Variants in TRPC4AP observed in about 807,000 individuals in gnomAD.
TRPC4AP encodes short transient receptor potential channel 4-associated protein.
In TRPC4AP, 45 loss-of-function variants were observed where a neutral mutation model predicts 99.0. The ratio of observed to expected loss-of-function variants is 0.45; its 90% confidence interval spans 0.36 to 0.58. The LOEUF is 0.58. Ranked by LOEUF, TRPC4AP falls within the 20% of genes least tolerant of loss-of-function variation. The pLI, the probability that TRPC4AP is intolerant of heterozygous loss-of-function variation, is 0.00. For synonymous variants in TRPC4AP, 408 were observed against 385.8 expected (o/e 1.06, Z -0.67); for missense variants, 879 against 985.3 (o/e 0.89, Z 1.44).
intron 9 of TRPC4AP, among the ~76,000 whole-genome samples, chr20:35,018,518 C>G (rs1275089628): frequency 7.0e-6 from 1 of 143,138 alleles, no homozygotes; most frequent in Admixed American, 7.3e-5. Context: ...ATCGCTTGAG[C>G]TGGGGAGGCA....
chr20:35,024,716 C>T (rs1031237663), intron 8 of TRPC4AP, among the ~76,000 whole-genome samples: 1 of 150,500 alleles, frequency 6.6e-6, no homozygotes, highest in African/African-American at 2.5e-5. Context: ...CTGTTTCCAG[C>T]TACTCGGGAG....
At position 35,092,740 on chromosome 20, in the gene TRPC4AP, T is replaced by C; in HGVS notation, c.42A>G (p.Arg14=). ...CCACTGTGGCTGCCGACCGTCTCCCTCGGCCGGCTCCAGACCCAGCCGCTA... is the reference window on the plus strand; with the variant it reads ...CCACTGTGGCTGCCGACCGTCTCCCCCGGCCGGCTCCAGACCCAGCCGCTA... The part of the protein sequence containing the change: ...APVAAGSGAG[R]GRRSAATVAA... The change falls in exon 1 of 19, where the codon CGA becomes CGG. Residue 14 remains arginine, a synonymous_variant. Transcript: ENST00000252015. 6.4e-7 allele frequency: 1 copy of C among 1,562,120 alleles called. No individual in the cohort carries two copies. Among genetic ancestry groups the C allele is most frequent in the Non-Finnish European group, 8.6e-7 (1 of 1,165,442 alleles).
intron 1 of TRPC4AP, among the ~76,000 whole-genome samples, chr20:35,088,712 G>A (rs2084955924): frequency 6.6e-6 from 1 of 152,148 alleles, no homozygotes; most frequent in Non-Finnish European, 1.5e-5. Flanking sequence ...TGGTCACCCT[G>A]CTAGGATTCA....
intron 9 of TRPC4AP, among the ~76,000 whole-genome samples, 199 bp downstream of exon 9, chr20:35,020,991 C>T (rs913485652): frequency 6.6e-6 from 1 of 152,226 alleles, no homozygotes; most frequent in African/African-American, 2.4e-5. Flanking sequence ...CTCCATACAG[C>T]AAGGCACAGT....
intron 8 of TRPC4AP, among the ~76,000 whole-genome samples, chr20:35,034,886 T>C (rs2083283868): frequency 6.6e-6 from 1 of 152,196 alleles, no homozygotes; most frequent in Non-Finnish European, 1.5e-5. Context: ...GAGACACAGC[T>C]GTCTCAGGTC....
chr20:35,016,959 C>T (rs2082769588), intron 9 of TRPC4AP, among the ~76,000 whole-genome samples: 1 of 152,160 alleles, frequency 6.6e-6, no homozygotes, highest in African/African-American at 2.4e-5. Context: ...GGAGGGCACA[C>T]TGGTATGACC....
chr20:35,010,820 G>C (rs1241189102), intron 11 of TRPC4AP, among the ~76,000 whole-genome samples: 1 of 152,158 alleles, frequency 6.6e-6, no homozygotes, highest in Non-Finnish European at 1.5e-5. Flanking sequence ...GGTGCCAAAA[G>C]TGATCTTCAG....
chr20:35,083,155 T>C (rs1027873172), intron 1 of TRPC4AP, among the ~76,000 whole-genome samples: 6 of 152,158 alleles, frequency 3.9e-5, no homozygotes, highest in Non-Finnish European at 7.3e-5. Context: ...ATTACAGCAA[T>C]ATACATGAAT....
chr20:35,072,650 T>C (rs2084349569), intron 2 of TRPC4AP, among the ~76,000 whole-genome samples: 1 of 152,198 alleles, frequency 6.6e-6, no homozygotes, highest in Non-Finnish European at 1.5e-5. Context: ...TATCTCTGTT[T>C]TGGTAATAGT....
chr20:35,084,853 T>C (rs1262143219), intron 1 of TRPC4AP, among the ~76,000 whole-genome samples: 1 of 151,848 alleles, frequency 6.6e-6, no homozygotes, highest in Admixed American at 6.6e-5. Flanking sequence ...AAAAATTATA[T>C]AAAACAAATA....
intron 2 of TRPC4AP, among the ~76,000 whole-genome samples, chr20:35,074,058 C>T (rs1030497368): frequency 7.9e-5 from 12 of 152,268 alleles, no homozygotes; most frequent in African/African-American, 1.4e-4. Flanking sequence ...AGTTTATTTC[C>T]GTAGAGGTGT....
chr20:35,007,664 G>GT, intron 13 of TRPC4AP, 24 bp from the exon 14 acceptor site: 1 of 1,613,830 alleles, frequency 6.2e-7, no homozygotes, highest in South Asian at 1.1e-5. Context: ...ACTGGCTCAG[G>GT]TGGCTAAGGC....
At position 35,059,617 on chromosome 20, in the gene TRPC4AP, C is replaced by T. The variant is rs2083926425; in HGVS notation, c.415-2046G>A. ...AGGCTGCAGTGAGCTATGATCATGC[C>T]AATACACTCCAGCCTGGATGGCAGG... On this transcript the variant is annotated intron_variant, in intron 3 of 18. Transcript: ENST00000252015. Among the ~76,000 whole-genome samples, 5 of 151,390 alleles carry T rather than the reference C, an allele frequency of 3.3e-5. No individual in the cohort carries two copies. In the South Asian group the frequency reaches 1.0e-3, roughly 31 times the overall value.
intron 5 of TRPC4AP, among the ~76,000 whole-genome samples, chr20:35,053,725 CATT>C (rs1281463159): frequency 1.3e-5 from 2 of 152,108 alleles, no homozygotes; most frequent in African/African-American, 2.4e-5. Flanking sequence ...GTAAATATCT[CATT>C]AATAATTAAT....
In TRPC4AP at chr20:35,088,998, T is replaced by C. The variant is rs774515739; in HGVS notation, c.168+3616A>G. Among the ~76,000 whole-genome samples, 7 of 151,748 alleles carry C rather than the reference T, an allele frequency of 4.6e-5. No homozygotes were observed. The East Asian group carries it at 1.4e-3, about 29-fold the overall frequency. ...GATGAAAAAGTTCTGGAAATCTGTTTCACAACAATGGGAATATACTTCACA... is the reference window on the plus strand; with the variant it reads ...GATGAAAAAGTTCTGGAAATCTGTTCCACAACAATGGGAATATACTTCACA... On this transcript the variant is annotated intron_variant, in intron 1 of 18. Transcript: ENST00000252015.
At chr20:35,049,819 G>C (rs2083652583) in intron 6 of TRPC4AP, 47 bp downstream of exon 6, 1 of 1,571,374 alleles carries the variant, frequency 6.4e-7, no homozygotes, top group Admixed American at 1.9e-5. Flanking sequence ...GAATCCAATG[G>C]TCTGAGACAC....
chr20:35,072,077 C>T (rs1000271808), intron 2 of TRPC4AP, among the ~76,000 whole-genome samples: 3 of 152,312 alleles, frequency 2.0e-5, no homozygotes, highest in Middle Eastern at 3.4e-3. Context: ...GCTGCATAAA[C>T]GTCTTCTTTT....
rs184430340 is a variant in TRPC4AP, at chr20:35,003,673, G to A, written c.2050-57C>T. 2.7e-3 allele frequency: 4,173 copies of A among 1,551,972 alleles called. 13 individuals carry two copies. The highest frequency in any genetic ancestry group is 3.5e-3 in the Middle Eastern group (17 of 4,896). On this transcript the variant is annotated intron_variant, in intron 17 of 18. Coordinates refer to ENST00000252015, the MANE Select transcript of TRPC4AP (RefSeq NM_015638.3). The stretch of plus-strand genomic sequence containing the variant: ...CTGGTGGGAGCCCCAGTGGCCCCTG[G>A]TGAACCTGGGTAGCCATCAGGCAGG...
At chr20:35,055,215 C>A (rs1254063317) in intron 4 of TRPC4AP, among the ~76,000 whole-genome samples, 184 bp from the exon 5 acceptor site, 1 of 152,160 alleles carries the variant, frequency 6.6e-6, no homozygotes, top group Non-Finnish European at 1.5e-5. Flanking sequence ...ACCTACAAGC[C>A]CATTTGCATA....
Sources: allele counts gnomAD v4.1 joint callset (sites outside exome capture counted in the v4.1 genomes callset), GRCh38; gene constraint gnomAD v4.1.1; transcripts MANE v1.5; gene names NCBI Gene and HGNC (gene_info 2026-07-23, HGNC 2026-07-21).